The following NXPE2 variants were observed in gnomAD, a reference collection of about 807,000 sequenced individuals.
The protein encoded by NXPE2 is NXPE family member 2.
A neutral mutation model predicts 34.4 loss-of-function variants in NXPE2; 34 were observed. That is an observed-to-expected ratio of 0.99 (90% CI 0.75 to 1.31). The LOEUF (loss-of-function observed/expected upper bound fraction) is 1.31. NXPE2 is among the 40% of genes most tolerant of loss of function. The probability of loss-of-function intolerance (pLI) is 0.00; values close to 1 mark genes in which losing one functional copy is unlikely to be tolerated. For missense variants in NXPE2, 649 were observed against 672.5 expected, an observed-to-expected ratio of 0.97 and a Z score of 0.39; for synonymous variants, 235 against 231.3, an observed-to-expected ratio of 1.02 and a Z score of -0.15.
At chr11:114,786,241 A>G in the NXPE2 span, among the ~76,000 whole-genome samples, 2 of 152,326 alleles carry the variant, frequency 1.3e-5, no homozygotes, top group South Asian at 4.1e-4. Flanking sequence ...TTATTGGACG[A>G]TGTCCTCAGT....
the NXPE2 span, among the ~76,000 whole-genome samples, chr11:114,601,476 ATAAAT>A: frequency 1.1e-5 from 1 of 92,894 alleles, no homozygotes; most frequent in African/African-American, 4.0e-5. Context: ...TAAAATTTAT[ATAAAT>A]TAAATATTTA....
At chr11:114,740,813 A>T in the NXPE2 span, among the ~76,000 whole-genome samples, 1 of 152,142 alleles carries the variant, frequency 6.6e-6, no homozygotes, top group Non-Finnish European at 1.5e-5. Context: ...CTCCCTTCAG[A>T]GCTGATAATA....
At chr11:114,786,361 GC>G in the NXPE2 span, among the ~76,000 whole-genome samples, 3 of 106,848 alleles carry the variant, frequency 2.8e-5, no homozygotes, top group Non-Finnish European at 3.8e-5. Flanking sequence ...TTCTACCCCC[GC>G]CCCCCGCCCC....
chr11:114,754,832 G>T, the NXPE2 span, among the ~76,000 whole-genome samples: 1 of 152,188 alleles, frequency 6.6e-6, no homozygotes, highest in East Asian at 1.9e-4. Context: ...TCTGGATCCT[G>T]GGGTAGTAAG....
At chr11:114,546,736 G>C in the NXPE2 span, among the ~76,000 whole-genome samples, 2 of 152,064 alleles carry the variant, frequency 1.3e-5, no homozygotes, top group Non-Finnish European at 2.9e-5. Flanking sequence ...TTGGATAAAC[G>C]GCTGATTCTA....
chr11:114,718,413 C>G, the NXPE2 span, among the ~76,000 whole-genome samples: 1 of 152,212 alleles, frequency 6.6e-6, no homozygotes, highest in Non-Finnish European at 1.5e-5. Flanking sequence ...TTGAAATCTA[C>G]TATACATCAT....
the NXPE2 span, among the ~76,000 whole-genome samples, chr11:114,640,646 A>G: frequency 6.6e-6 from 1 of 152,092 alleles, no homozygotes; most frequent in African/African-American, 2.4e-5. Flanking sequence ...AATAATGGCC[A>G]TTCTGACTAG....
chr11:114,502,998 A>G, the NXPE2 span, among the ~76,000 whole-genome samples: 1 of 152,192 alleles, frequency 6.6e-6, no homozygotes, highest in East Asian at 1.9e-4. Flanking sequence ...AGTCTCCCAG[A>G]TAAAGTGGTC....
chr11:114,601,673 A>C, the NXPE2 span, among the ~76,000 whole-genome samples: 585 of 43,112 alleles, frequency 0.014, 65 homozygotes, highest in Non-Finnish European at 0.017. Flanking sequence ...ATTATATATT[A>C]TAATTATAGA....
chr11:114,794,534 C>G, the NXPE2 span, among the ~76,000 whole-genome samples: 2 of 152,244 alleles, frequency 1.3e-5, no homozygotes, highest in East Asian at 3.9e-4. Context: ...TATTGCAAAG[C>G]TATCAGACTT....
chr11:114,672,408 G>A, the NXPE2 span, among the ~76,000 whole-genome samples: 1 of 151,540 alleles, frequency 6.6e-6, no homozygotes, highest in African/African-American at 2.4e-5. Context: ...AATCAGTAAA[G>A]GAAGAACAGA....
chr11:114,679,422 G>T (rs78855277), intron 1 of NXPE2, among the ~76,000 whole-genome samples: 21,316 of 151,956 alleles, frequency 0.14, 1,911 homozygotes, highest in South Asian at 0.2. Flanking sequence ...GATATGATTC[G>T]AAACCCAAAG....
the NXPE2 span, among the ~76,000 whole-genome samples, chr11:114,670,430 C>A: frequency 6.6e-6 from 1 of 152,046 alleles, no homozygotes; most frequent in Non-Finnish European, 1.5e-5. Flanking sequence ...CGCAGTGGCT[C>A]ACCTCTGTAA....
chr11:114,768,690 A>G, the NXPE2 span, among the ~76,000 whole-genome samples: 2 of 152,020 alleles, frequency 1.3e-5, no homozygotes, highest in Non-Finnish European at 2.9e-5. Context: ...ATGGGAGTTC[A>G]CTCATGATTT....
the NXPE2 span, among the ~76,000 whole-genome samples, chr11:114,765,561 T>A: frequency 6.6e-6 from 1 of 152,204 alleles, no homozygotes; most frequent in African/African-American, 2.4e-5. Context: ...TTTTGTTTTA[T>A]TGGGATGGTC....
the NXPE2 span, among the ~76,000 whole-genome samples, chr11:114,807,290 G>A: frequency 5.9e-5 from 9 of 152,070 alleles, no homozygotes; most frequent in African/African-American, 2.2e-4. Flanking sequence ...CAACTAACGA[G>A]CAAAATAACA....
chr11:114,636,713 G>A, the NXPE2 span, among the ~76,000 whole-genome samples: 6 of 151,952 alleles, frequency 3.9e-5, no homozygotes, highest in East Asian at 3.8e-4. Flanking sequence ...CCTTCATTTC[G>A]TTATGTACCC....
the NXPE2 span, among the ~76,000 whole-genome samples, chr11:114,633,329 A>G: frequency 1.4e-5 from 2 of 140,872 alleles, no homozygotes; most frequent in African/African-American, 2.6e-5. Flanking sequence ...ATTATGTGGT[A>G]TTACATTTTA....
At chr11:114,645,161 G>C in the NXPE2 span, among the ~76,000 whole-genome samples, 13 of 152,086 alleles carry the variant, frequency 8.5e-5, no homozygotes, top group African/African-American at 2.9e-4. Context: ...AATTAGCTGG[G>C]CGTGATGGCG....
Sources: allele counts gnomAD v4.1 joint callset (sites outside exome capture counted in the v4.1 genomes callset), GRCh38; gene constraint gnomAD v4.1.1; transcripts MANE v1.5; gene names NCBI Gene and HGNC (gene_info 2026-07-23, HGNC 2026-07-21).